The following AKAP6 variants were observed in gnomAD, a reference collection of about 807,000 sequenced individuals.
The protein encoded by AKAP6 is A-kinase anchor protein 6.
In AKAP6, 58 loss-of-function variants were observed where a neutral mutation model predicts 188.5. The ratio of observed to expected loss-of-function variants is 0.31; its 90% confidence interval spans 0.25 to 0.38. The LOEUF is 0.38. Among genes scored for constraint, AKAP6 ranks in the 10% least tolerant of loss-of-function variants. The probability of loss-of-function intolerance (pLI) is 1.00; values close to 1 mark genes in which losing one functional copy is unlikely to be tolerated. For synonymous variants in AKAP6, 989 were observed against 998.6 expected (o/e 0.99, Z 0.18); for missense variants, 2,710 against 2,740.0 (o/e 0.99, Z 0.24).
rs1313044208 is a variant in AKAP6, at chr14:32,831,993, T to A, written c.*2188T>A. ...CTTATCTGTAATTCTACCACTTTAA[T>A]AACTATTTGTATTTTTATGCCCCTT... On this transcript the variant is annotated 3_prime_UTR_variant, in exon 14 of 14. Transcript: ENST00000280979. The A allele has an allele frequency of 6.6e-6, 1 of 152,180 alleles. No homozygotes were observed. Among genetic ancestry groups the A allele is most frequent in the Non-Finnish European group, 1.5e-5 (1 of 68,032 alleles). The allele number at this position is 152,180 out of a possible 1,614,324, so 9.4% of individuals were successfully genotyped here.
chr14:32,811,341 TC>T (rs1184207539), intron 12 of AKAP6, among the ~76,000 whole-genome samples: 1 of 152,088 alleles, frequency 6.6e-6, no homozygotes, highest in East Asian at 1.9e-4. Context: ...TTATTTTTTT[TC>T]TCTGAATGAC....
chr14:32,710,656 G>A (rs1285081130), intron 9 of AKAP6, among the ~76,000 whole-genome samples: 4 of 151,902 alleles, frequency 2.6e-5, no homozygotes, highest in Non-Finnish European at 4.4e-5. Flanking sequence ...AATGAATGAG[G>A]CTTAGTGCCT....
intron 1 of AKAP6, among the ~76,000 whole-genome samples, chr14:32,396,761 A>G (rs1888893185): frequency 6.6e-6 from 1 of 152,166 alleles, no homozygotes; most frequent in Non-Finnish European, 1.5e-5. Flanking sequence ...AGAAGAGGGC[A>G]GAATTAATGG....
chr14:32,772,006 GTCGT>G (rs1372140111), intron 11 of AKAP6, among the ~76,000 whole-genome samples: 1 of 152,042 alleles, frequency 6.6e-6, no homozygotes, highest in Non-Finnish European at 1.5e-5. Context: ...TTGCCCAACA[GTCGT>G]TCTAGAGCAA....
intron 8 of AKAP6, among the ~76,000 whole-genome samples, chr14:32,683,545 G>A (rs11156757): frequency 0.59 from 89,829 of 151,926 alleles, 27,327 homozygotes; most frequent in East Asian, 0.84. Flanking sequence ...TCCAGCATGT[G>A]ATATTTATTT....
At chr14:32,396,777 G>C (rs570424910) in intron 1 of AKAP6, among the ~76,000 whole-genome samples, 27 of 152,170 alleles carry the variant, frequency 1.8e-4, no homozygotes, top group South Asian at 4.2e-4. Flanking sequence ...AATGGAATTT[G>C]GGGGAAATCA....
intron 7 of AKAP6, among the ~76,000 whole-genome samples, chr14:32,642,256 G>A (rs952866844): frequency 6.6e-6 from 1 of 152,160 alleles, no homozygotes; most frequent in East Asian, 1.9e-4. Context: ...TTTATTTTGT[G>A]TCACTTTAGC....
At position 32,780,700 on chromosome 14, in the gene AKAP6, G is replaced by A. The variant is rs539760852; in HGVS notation, c.3588+6807G>A. ...GCCTGTAAGCCCAGCACTTTGGGAG[G>A]CTGAAGCAAGAGGATGGCTTCAGCC... On this transcript the variant is annotated intron_variant, in intron 12 of 13. Coordinates refer to ENST00000280979, the MANE Select transcript of AKAP6 (RefSeq NM_004274.5). 3.8e-4 allele frequency among the ~76,000 whole-genome samples: 58 copies of A among 152,330 alleles called. 1 individual carries two copies. In the East Asian group the frequency reaches 9.5e-3, roughly 25 times the overall value.
intron 1 of AKAP6, among the ~76,000 whole-genome samples, chr14:32,341,456 A>G (rs1389576904): frequency 6.6e-6 from 1 of 152,200 alleles, no homozygotes; most frequent in Admixed American, 6.5e-5. Context: ...TTATCATAGC[A>G]ATGTTAGTCT....
chr14:32,592,065 A>T (rs1885510335), intron 5 of AKAP6, among the ~76,000 whole-genome samples: 1 of 152,222 alleles, frequency 6.6e-6, no homozygotes, highest in South Asian at 2.1e-4. Flanking sequence ...ATTTGGGGAC[A>T]TTTATCAACT....
intron 1 of AKAP6, among the ~76,000 whole-genome samples, chr14:32,413,683 G>A (rs1434803637): frequency 1.3e-5 from 2 of 152,118 alleles, no homozygotes; most frequent in Non-Finnish European, 2.9e-5. Flanking sequence ...AGCTCTTTGA[G>A]CATTTCTTCA....
chr14:32,402,382 A>G (rs919703431), intron 1 of AKAP6, among the ~76,000 whole-genome samples: 1 of 152,228 alleles, frequency 6.6e-6, no homozygotes, highest in Non-Finnish European at 1.5e-5. Flanking sequence ...TCCTAAAATT[A>G]AATTTTTCAG....
intron 10 of AKAP6, among the ~76,000 whole-genome samples, chr14:32,735,259 G>A (rs1395003204): frequency 6.6e-6 from 1 of 152,054 alleles, no homozygotes; most frequent in African/African-American, 2.4e-5. Context: ...GACATTTTAT[G>A]TGGAGAGTTT....
At chr14:32,771,808 A>C (rs760097507) in intron 11 of AKAP6, among the ~76,000 whole-genome samples, 6 of 152,230 alleles carry the variant, frequency 3.9e-5, no homozygotes, top group Non-Finnish European at 7.3e-5. Flanking sequence ...TGGCACAGAA[A>C]CATCTCTTTT....
At chr14:32,710,536 T>A (rs1284556470) in intron 9 of AKAP6, among the ~76,000 whole-genome samples, 1 of 152,008 alleles carries the variant, frequency 6.6e-6, no homozygotes, top group Non-Finnish European at 1.5e-5. Flanking sequence ...GAGTCACTAC[T>A]GAGGGAAACC....
intron 12 of AKAP6, among the ~76,000 whole-genome samples, chr14:32,784,039 CAT>C (rs1310652045): frequency 1.3e-5 from 2 of 152,116 alleles, no homozygotes; most frequent in Non-Finnish European, 2.9e-5. Context: ...TTTCGTATCA[CAT>C]GTGACATATG....
At chr14:32,583,400 C>G (rs922513130) in intron 5 of AKAP6, among the ~76,000 whole-genome samples, 38 of 152,336 alleles carry the variant, frequency 2.5e-4, no homozygotes, top group South Asian at 2.1e-4. Context: ...TCTGCCCCTA[C>G]TGGGGGGTGC....
chr14:32,685,800 C>T (rs755441341), intron 8 of AKAP6, among the ~76,000 whole-genome samples: 7 of 149,976 alleles, frequency 4.7e-5, no homozygotes, highest in East Asian at 2.0e-4. Flanking sequence ...CAAATGCTGG[C>T]GAGGATGTAA....
intron 3 of AKAP6, among the ~76,000 whole-genome samples, 167 bp from the exon 4 acceptor site, chr14:32,545,063 A>G (rs1013348748): frequency 5.3e-5 from 8 of 152,218 alleles, no homozygotes; most frequent in Admixed American, 6.5e-5. Flanking sequence ...TACTATATAA[A>G]GCAATGTGGT....
Sources: allele counts gnomAD v4.1 joint callset (sites outside exome capture counted in the v4.1 genomes callset), GRCh38; gene constraint gnomAD v4.1.1; transcripts MANE v1.5; gene names NCBI Gene and HGNC (gene_info 2026-07-23, HGNC 2026-07-21).